C1GALT1: variants seen among roughly 807,000 people sequenced by gnomAD.
C1GALT1 encodes the protein core 1 synthase, glycoprotein-N-acetylgalactosamine 3-beta-galactosyltransferase 1, also known as glycoprotein-N-acetylgalactosamine 3-beta-galactosyltransferase 1.
In C1GALT1, 11 loss-of-function variants were observed where a neutral mutation model predicts 31.0. That is an observed-to-expected ratio of 0.36 (90% CI 0.22 to 0.59). The LOEUF is 0.59. Ranked by LOEUF, C1GALT1 falls within the 20% of genes least tolerant of loss-of-function variation. C1GALT1 has a pLI of 0.79. For synonymous variants in C1GALT1, 175 were observed against 143.6 expected (o/e 1.22, Z -1.56); for missense variants, 424 against 425.2 (o/e 1.00, Z 0.03).
In C1GALT1 at chr7:7,238,350, C is replaced by G. The variant is rs1422010225; in HGVS notation, c.316C>G (p.His106Asp). ...TCAAAACCTAGAGAAAAAGGCCAAA[C>G]ACGTCAAAGCTACTTGGGCCCAGCG... ...GPQNLEKKAKHVKATWAQRCN... is the reference protein window; with the variant it reads ...GPQNLEKKAKDVKATWAQRCN... The change falls in exon 3 of 4, where the codon CAC (histidine) becomes GAC (aspartate). Residue 106 changes from histidine (H) to aspartate (D), a missense_variant. Around this residue, in one of 3 missense-constraint regions of C1GALT1, gnomAD observed 189 missense variants for 158.2 expected, o/e 1.19. Transcript: ENST00000436587. This position sits in a 1 kb window ranked among gnomAD's most constrained non-coding sequence, Gnocchi z 5.2. 12 of 1,613,958 alleles carry G rather than the reference C, an allele frequency of 7.4e-6. No homozygotes were observed. The highest frequency in any genetic ancestry group is 1.1e-5 in the South Asian group (1 of 91,086).
intron 1 of C1GALT1, among the ~76,000 whole-genome samples, chr7:7,204,118 TG>T (rs1403380331): frequency 4.0e-5 from 6 of 150,658 alleles, no homozygotes; most frequent in African/African-American, 1.2e-4. Context: ...TTTGTTTTTT[TG>T]TTTTTTTTTT....
chr7:7,176,769 C>G (rs900626051), intron 2 of C1GALT1, among the ~76,000 whole-genome samples: 3 of 152,154 alleles, frequency 2.0e-5, no homozygotes, highest in Non-Finnish European at 4.4e-5. Context: ...CCAATTGTCT[C>G]AAAATCTTGG....
chr7:7,189,443 C>A (rs932191043), intron 1 of C1GALT1, among the ~76,000 whole-genome samples: 3 of 152,106 alleles, frequency 2.0e-5, no homozygotes, highest in Non-Finnish European at 4.4e-5. Flanking sequence ...TGTTAATAAA[C>A]TTTAAAAGTT....
chr7:7,206,141 G>A (rs1163130491), intron 1 of C1GALT1, among the ~76,000 whole-genome samples: 2 of 152,064 alleles, frequency 1.3e-5, no homozygotes, highest in Non-Finnish European at 2.9e-5. Flanking sequence ...ACTTATTGAT[G>A]TTGCAGAATT....
intron 2 of C1GALT1, among the ~76,000 whole-genome samples, chr7:7,168,054 T>C (rs1250807348): frequency 2.6e-5 from 4 of 152,202 alleles, no homozygotes; most frequent in Non-Finnish European, 5.9e-5. Flanking sequence ...ATGAACAAAT[T>C]CATGAATAGG....
chr7:7,170,013 C>T (rs1780436876), intron 2 of C1GALT1, among the ~76,000 whole-genome samples: 1 of 152,130 alleles, frequency 6.6e-6, no homozygotes, highest in East Asian at 1.9e-4. Flanking sequence ...GGTTTTTGAT[C>T]ACTGGTTCAA....
intron 1 of C1GALT1, among the ~76,000 whole-genome samples, chr7:7,228,135 T>C (rs1214227865): frequency 6.6e-6 from 1 of 152,216 alleles, no homozygotes; most frequent in African/African-American, 2.4e-5. Context: ...TTACCTCTCC[T>C]ATTTTTGTTA....
chr7:7,182,928 C>CGG (rs1332291032), intron 1 of C1GALT1, 108 bp downstream of exon 1: 1 of 840,086 alleles, frequency 1.2e-6, no homozygotes, highest in African/African-American at 1.8e-5. Context: ...AACCAAACCC[C>CGG]GGGCGCGGCG....
intron 2 of C1GALT1, among the ~76,000 whole-genome samples, chr7:7,236,914 A>C (rs909259237): frequency 6.6e-6 from 1 of 152,102 alleles, no homozygotes. Flanking sequence ...TCCATTGTTA[A>C]TTTCTCATAG....
intron 1 of C1GALT1, among the ~76,000 whole-genome samples, chr7:7,214,153 T>G (rs1782128673): frequency 1.3e-5 from 2 of 152,182 alleles, no homozygotes; most frequent in African/African-American, 4.8e-5. Flanking sequence ...CCCCCCAAAC[T>G]TAAAACACAG....
At chr7:7,243,128 T>G (rs566022550) in intron 3 of C1GALT1, among the ~76,000 whole-genome samples, 1 of 152,216 alleles carries the variant, frequency 6.6e-6, no homozygotes, top group Admixed American at 6.5e-5. Flanking sequence ...GAGGTATGTT[T>G]CCGAGTATGA....
rs1583836428 is a variant in C1GALT1 at position 7,238,726 on chromosome 7, A to G, written c.692A>G (p.Lys231Arg). 6.2e-7 allele frequency: 1 copy of G among 1,613,992 alleles called. No individual in the cohort carries two copies. The highest frequency in any genetic ancestry group is 1.1e-5 in the South Asian group (1 of 91,060). The change falls in exon 3 of 4, where the codon AAG (lysine) becomes AGG (arginine). Residue 231 changes from lysine (K) to arginine (R), a missense_variant. Around this residue, in one of 3 missense-constraint regions of C1GALT1, gnomAD observed 191 missense variants for 188.8 expected, o/e 1.01. Transcript: ENST00000436587. This position sits in a 1 kb window ranked among gnomAD's most constrained non-coding sequence, Gnocchi z 5.2. Reference protein sequence around the residue: ...KRFVDAFKTDKCTHSSSIEDL... With the variant: ...KRFVDAFKTDRCTHSSSIEDL... ...TTTGTTGATGCATTTAAAACAGACA[A>G]GTGTACACATAGTTCCTCCATTGAA...
At chr7:7,174,729 T>C (rs1780486590) in intron 2 of C1GALT1, among the ~76,000 whole-genome samples, 1 of 152,162 alleles carries the variant, frequency 6.6e-6, no homozygotes, top group Non-Finnish European at 1.5e-5. Flanking sequence ...CTCAGTTCTG[T>C]TGCTGAAGCC....
chr7:7,166,795 G>C (rs1780397005), intron 2 of C1GALT1, among the ~76,000 whole-genome samples: 1 of 152,156 alleles, frequency 6.6e-6, no homozygotes, highest in Non-Finnish European at 1.5e-5. Context: ...AAATCAGTAA[G>C]GCAAGTGCTT....
chr7:7,165,419 T>C (rs557855672), intron 2 of C1GALT1, among the ~76,000 whole-genome samples: 9 of 152,280 alleles, frequency 5.9e-5, no homozygotes, highest in African/African-American at 1.7e-4. Flanking sequence ...TCTATTTCAG[T>C]TACGCTAAGG....
At chr7:7,210,266 C>G (rs1253729225) in intron 1 of C1GALT1, among the ~76,000 whole-genome samples, 1 of 152,072 alleles carries the variant, frequency 6.6e-6, no homozygotes, top group Non-Finnish European at 1.5e-5. Flanking sequence ...GGTATAATTT[C>G]AACTGGAGAC....
At chr7:7,240,565 G>C (rs1181357147) in intron 3 of C1GALT1, among the ~76,000 whole-genome samples, 2 of 152,060 alleles carry the variant, frequency 1.3e-5, no homozygotes, top group African/African-American at 4.8e-5. Flanking sequence ...ATATAAACAT[G>C]TAGCAAATAC....
At chr7:7,230,390 TTGTA>T (rs1783012802) in intron 1 of C1GALT1, among the ~76,000 whole-genome samples, 1 of 152,130 alleles carries the variant, frequency 6.6e-6, no homozygotes, top group Non-Finnish European at 1.5e-5. Context: ...TAATTACTGT[TTGTA>T]TGGTATATTT....
chr7:7,245,416 G>A lies in C1GALT1; in HGVS notation c.*1689G>A, dbSNP rs1485655966. On this transcript the variant is annotated 3_prime_UTR_variant, in exon 4 of 4. Transcript: ENST00000436587. ...TGGTCTTGAACTCCTGACCTCAGGTGATCCACCCACCTTGGCATCCCAAAG... is the reference window on the plus strand; with the variant it reads ...TGGTCTTGAACTCCTGACCTCAGGTAATCCACCCACCTTGGCATCCCAAAG... 1 of 152,246 alleles carries A rather than the reference G, an allele frequency of 6.6e-6. No individual in the cohort carries two copies. Among genetic ancestry groups the A allele is most frequent in the Non-Finnish European group, 1.5e-5 (1 of 68,064 alleles). 9.4% of individuals were successfully genotyped at this position (152,246 alleles called of 1,614,324 possible). A position where few individuals can be genotyped will look rare whatever the true frequency, so the allele number is the denominator to read the frequency against.
Sources: allele counts gnomAD v4.1 joint callset (sites outside exome capture counted in the v4.1 genomes callset), GRCh38; gene constraint gnomAD v4.1.1; regional missense constraint gnomAD v4.1.1; non-coding constraint Gnocchi (gnomAD v3.1); transcripts MANE v1.5; gene names NCBI Gene and HGNC (gene_info 2026-07-23, HGNC 2026-07-21).